LAMP2: variants seen among roughly 807,000 people sequenced by gnomAD.
The protein encoded by LAMP2 is lysosome associated membrane protein 2, also known as lysosome-associated membrane glycoprotein 2.
A neutral mutation model predicts 25.6 loss-of-function variants in LAMP2; 4 were observed. The ratio of observed to expected loss-of-function variants is 0.16; its 90% CI spans 0.08 to 0.36. LAMP2 has a LOEUF of 0.36. Ranked by LOEUF, LAMP2 falls within the 10% of genes least tolerant of loss-of-function variation. The pLI is 1.00. For missense variants in LAMP2, 272 were observed against 301.4 expected, an observed-to-expected ratio of 0.90 and a Z score of 0.72; for synonymous variants, 108 against 112.7, an observed-to-expected ratio of 0.96 and a Z score of 0.27.
chrX:120,448,326 A>C (rs930719723), intron 4 of LAMP2, among the ~76,000 whole-genome samples: 2 of 112,241 alleles, frequency 1.8e-5, no homozygotes, highest in African/African-American at 6.5e-5. Context: ...TTATTCCCAA[A>C]GAACTTTGCC....
intron 1 of LAMP2, among the ~76,000 whole-genome samples, chrX:120,460,799 A>T (rs1190073770): frequency 8.9e-6 from 1 of 111,910 alleles, no homozygotes; most frequent in African/African-American, 3.2e-5. Flanking sequence ...GAAAATATAA[A>T]AATTAGCTGG....
At chrX:120,440,924 G>A (rs1162329111) in intron 8 of LAMP2, among the ~76,000 whole-genome samples, 1 of 112,151 alleles carries the variant, frequency 8.9e-6, no homozygotes, top group Non-Finnish European at 1.9e-5. Context: ...ATGGCTCACA[G>A]TATATTCGCT....
intron 1 of LAMP2, among the ~76,000 whole-genome samples, chrX:120,463,295 GA>G (rs752796231): frequency 8.9e-6 from 1 of 111,896 alleles, no homozygotes; most frequent in Non-Finnish European, 1.9e-5. Flanking sequence ...TAAGAATGTT[GA>G]ACACATGAAA....
At chrX:120,451,103 T>G (rs139473138) in intron 3 of LAMP2, among the ~76,000 whole-genome samples, 1,209 of 110,138 alleles carry the variant, frequency 0.011, 25 homozygotes, top group African/African-American at 0.036. Context: ...AATTTTCGTA[T>G]TTTTAGTAGA....
intron 8 of LAMP2, among the ~76,000 whole-genome samples, chrX:120,431,786 T>C (rs902504250): frequency 2.7e-5 from 3 of 112,381 alleles, no homozygotes; most frequent in Non-Finnish European, 3.8e-5. Flanking sequence ...GATCAGGCCG[T>C]GAGCTTTCAG....
chrX:120,452,335 G>A (rs1212850927), intron 3 of LAMP2, among the ~76,000 whole-genome samples: 1 of 110,406 alleles, frequency 9.1e-6, no homozygotes, highest in African/African-American at 3.3e-5. Context: ...AATTACTGCC[G>A]CATATGCTAT....
Position 120,428,565 on chromosome X carries a change from G to C in LAMP2, c.*2758C>G. Reference sequence around the variant, plus strand: ...AGACAACAATTATAAGGAAGCCCAAGGCCACACCCACTGCAACAGGAATAA... The same window carrying C: ...AGACAACAATTATAAGGAAGCCCAACGCCACACCCACTGCAACAGGAATAA... On this transcript the variant is annotated 3_prime_UTR_variant, in exon 9 of 9. Transcript: ENST00000200639. 8.3e-7 allele frequency: 1 copy of C among 1,198,731 alleles called. No individual in the cohort carries two copies. Among genetic ancestry groups the C allele is most frequent in the Middle Eastern group, 2.3e-4 (1 of 4,324 alleles).
At chrX:120,439,886 T>C (rs1336505337) in intron 8 of LAMP2, among the ~76,000 whole-genome samples, 1 of 111,041 alleles carries the variant, frequency 9.0e-6, no homozygotes, top group African/African-American at 3.3e-5. Flanking sequence ...GAAGGTATCA[T>C]GTGATGAGAA....
Position 120,469,189 on chromosome X carries a change from C to T in LAMP2, c.-20G>A, listed in dbSNP as rs780284129. ...CACCATGACCCCGCAGAGCAGGCGG[C>T]GACGGCGGCGACGGCGGCGGTACAA... On this transcript the variant is annotated 5_prime_UTR_variant, in exon 1 of 9. Coordinates refer to ENST00000200639, the MANE Select transcript of LAMP2 (RefSeq NM_002294.3). 8.6e-7 allele frequency: 1 copy of T among 1,168,376 alleles called. No individual in the cohort carries two copies. The highest frequency in any genetic ancestry group is 1.8e-5 in the South Asian group (1 of 55,355).
intron 5 of LAMP2, among the ~76,000 whole-genome samples, chrX:120,447,017 G>A (rs1408053550): frequency 8.9e-6 from 1 of 111,955 alleles, no homozygotes; most frequent in African/African-American, 3.2e-5. Flanking sequence ...GTTTTCTGCC[G>A]GCCAACACAA....
At chrX:120,438,506 T>A (rs773716127) in intron 8 of LAMP2, 14 of 739,856 alleles carry the variant, frequency 1.9e-5, no homozygotes, top group African/African-American at 2.3e-5. Context: ...TACTCTAAAT[T>A]TTAAAAAGCT....
chrX:120,442,228 CAAAA>C (rs1157951288), intron 7 of LAMP2, among the ~76,000 whole-genome samples: 1 of 29,678 alleles, frequency 3.4e-5, no homozygotes. Flanking sequence ...GACCCTGTCT[CAAAA>C]AAAAAAAAAA....
Position 120,455,588 on chromosome X carries a change from T to C in LAMP2, c.184-18A>G, listed in dbSNP as rs1921059152. On this transcript the variant is annotated intron_variant, in intron 2 of 8. Transcript: ENST00000200639. ...ACAGTTTTCTAAAAGAAATAGAAAT[T>C]TGGGGGTGAGAAACAAACAGGCAGC... is the stretch of plus-strand genomic sequence containing the variant. 5.2e-6 allele frequency: 6 copies of C among 1,151,531 alleles called. No homozygotes were observed. Among genetic ancestry groups the C allele is most frequent in the Non-Finnish European group, 5.9e-6 (5 of 843,278 alleles). 94.9% of individuals were successfully genotyped at this position (1,151,531 alleles called of 1,213,427 possible). A position where few individuals can be genotyped will look rare whatever the true frequency, so the allele number is the denominator to read the frequency against.
intron 8 of LAMP2, among the ~76,000 whole-genome samples, chrX:120,432,014 A>G (rs2058525220): frequency 8.9e-6 from 1 of 111,831 alleles, no homozygotes; most frequent in African/African-American, 3.2e-5. Flanking sequence ...AGAGTCAGAC[A>G]AGAAAAATCA....
At position 120,469,184 on chromosome X, in the gene LAMP2, G is replaced by A. The variant is rs939715480; in HGVS notation, c.-15C>T. 2 of 1,164,084 alleles carry A rather than the reference G, an allele frequency of 1.7e-6. No individual in the cohort carries two copies. The highest frequency in any genetic ancestry group is 3.0e-5 in the East Asian group (1 of 33,689). On this transcript the variant is annotated 5_prime_UTR_variant, in exon 1 of 9. Coordinates refer to ENST00000200639, the MANE Select transcript of LAMP2 (RefSeq NM_002294.3). ...AAGCACACCATGACCCCGCAGAGCAGGCGGCGACGGCGGCGACGGCGGCGG... is the reference window on the plus strand; with the variant it reads ...AAGCACACCATGACCCCGCAGAGCAAGCGGCGACGGCGGCGACGGCGGCGG...
intron 8 of LAMP2, 69 bp downstream of exon 8, chrX:120,441,661 T>C: frequency 1.1e-6 from 1 of 916,260 alleles, no homozygotes; most frequent in Non-Finnish European, 1.6e-6. Flanking sequence ...TAAATGTCTA[T>C]GATTCAAAGG....
Position 120,430,809 on chromosome X carries a change from A to G in LAMP2, c.*514T>C, listed in dbSNP as rs1452930600. The G allele has an allele frequency of 4.0e-6, 3 of 756,407 alleles. No individual in the cohort carries two copies. The highest frequency in any genetic ancestry group is 1.6e-4 in the Admixed American group (2 of 12,263). 62.3% of individuals were successfully genotyped at this position (756,407 alleles called of 1,213,427 possible). On this transcript the variant is annotated 3_prime_UTR_variant, in exon 9 of 9. Transcript: ENST00000200639. ...CTGAGGACATTCTCTACTTCATTCA[A>G]CTGAAAACCAAGTTTAAGCATATCT...
intron 5 of LAMP2, 132 bp from the exon 6 acceptor site, chrX:120,446,559 G>C (rs1276545019): frequency 1.5e-6 from 1 of 675,516 alleles, no homozygotes; most frequent in Admixed American, 2.4e-5. Context: ...TAAAATTCAT[G>C]GTGTCTTCAC....
intron 1 of LAMP2, among the ~76,000 whole-genome samples, chrX:120,464,205 A>G (rs773963350): frequency 8.9e-6 from 1 of 111,901 alleles, no homozygotes; most frequent in African/African-American, 3.2e-5. Context: ...ATATGGGATT[A>G]TACATTAGTA....
Sources: gnomAD v4.1 joint callset for allele counts (sites outside exome capture counted in the v4.1 genomes callset) on GRCh38, gnomAD v4.1.1 for gene constraint, MANE v1.5 for transcripts, NCBI Gene and HGNC (gene_info 2026-07-23, HGNC 2026-07-21) for gene names.